The following KDSR variants were observed in gnomAD, a reference collection of about 807,000 sequenced individuals.
The protein encoded by KDSR is 3-ketodihydrosphingosine reductase, also known as 3-dehydrosphinganine reductase.
In KDSR, 23 loss-of-function variants were observed where a neutral mutation model predicts 41.3. The observed-to-expected ratio is 0.56, with a 90% CI of 0.40 to 0.79. The LOEUF (loss-of-function observed/expected upper bound fraction) is 0.79. Ranked by LOEUF, KDSR falls within the 30% of genes least tolerant of loss-of-function variation. The pLI, the probability that KDSR is intolerant of heterozygous loss-of-function variation, is 0.00. For missense variants in KDSR, 351 were observed against 416.8 expected, an observed-to-expected ratio of 0.84 and a Z score of 1.37; for synonymous variants, 138 against 151.7, an observed-to-expected ratio of 0.91 and a Z score of 0.66.
At chr18:63,343,030 C>A (rs1914391229) in intron 7 of KDSR, among the ~76,000 whole-genome samples, 1 of 152,168 alleles carries the variant, frequency 6.6e-6, no homozygotes, top group South Asian at 2.1e-4. Context: ...TACCTGCTTT[C>A]CCTTTACCTA....
In KDSR at chr18:63,355,495, T is replaced by TA; in HGVS notation, c.321+2dup. The TA allele has an allele frequency of 6.2e-7, 1 of 1,613,060 alleles. No homozygotes were observed. The highest frequency in any genetic ancestry group is 8.5e-7 in the Non-Finnish European group (1 of 1,179,776). On this transcript the variant is annotated splice_region_variant and intron_variant, in intron 4 of 9. Transcript: ENST00000645214. Reference sequence around the variant, plus strand: ...GTGAATTCCAATTAGCCCAACCTCTTACTTGTTTTATGACATTCTCTACTT... The same window carrying TA: ...GTGAATTCCAATTAGCCCAACCTCTTAACTTGTTTTATGACATTCTCTACTT...
chr18:63,342,915 C>T (rs1475602587), intron 7 of KDSR, among the ~76,000 whole-genome samples: 1 of 152,140 alleles, frequency 6.6e-6, no homozygotes, highest in African/African-American at 2.4e-5. Context: ...GGATTTCCCT[C>T]TTGCTATTCT....
At chr18:63,360,489 AAACCTG>A (rs1914927772) in intron 2 of KDSR, among the ~76,000 whole-genome samples, 1 of 152,246 alleles carries the variant, frequency 6.6e-6, no homozygotes. Context: ...CAGAGTTTCT[AAACCTG>A]AATATGTCTA....
intron 1 of KDSR, among the ~76,000 whole-genome samples, chr18:63,364,002 C>T (rs930023239): frequency 2.0e-5 from 3 of 152,148 alleles, no homozygotes; most frequent in Admixed American, 6.5e-5. Context: ...TTCAACCTGC[C>T]ACCACTGAAG....
chr18:63,358,166 A>AAAAT (rs989104337), intron 3 of KDSR, among the ~76,000 whole-genome samples: 2 of 152,126 alleles, frequency 1.3e-5, no homozygotes, highest in Non-Finnish European at 2.9e-5. Flanking sequence ...CTCCATCTCA[A>AAAAT]AAATAAATAA....
chr18:63,361,237 AG>A (rs370637374), intron 2 of KDSR, among the ~76,000 whole-genome samples: 12,093 of 105,640 alleles, frequency 0.11, 2,745 homozygotes, highest in South Asian at 0.19. Context: ...AAAAAAAAAA[AG>A]AATGAATTAC....
chr18:63,338,391 G>A (rs1217569437), intron 8 of KDSR, among the ~76,000 whole-genome samples: 2 of 152,248 alleles, frequency 1.3e-5, no homozygotes, highest in African/African-American at 2.4e-5. Context: ...AGGAGGACAG[G>A]CCCACGGGGC....
intron 5 of KDSR, among the ~76,000 whole-genome samples, chr18:63,352,232 A>G (rs558780558): frequency 1.6e-4 from 25 of 152,222 alleles, no homozygotes; most frequent in African/African-American, 6.0e-4. Flanking sequence ...ATCAATCATA[A>G]TTTTTTTTCA....
chr18:63,361,018 A>AT (rs1568283919), intron 2 of KDSR, among the ~76,000 whole-genome samples: 1 of 18,076 alleles, frequency 5.5e-5, no homozygotes, highest in Non-Finnish European at 1.5e-4. Flanking sequence ...ATATATATAA[A>AT]ATATATAATA....
At chr18:63,361,017 A>AAATATATATATAAAATATATATAT (rs1555715421) in intron 2 of KDSR, among the ~76,000 whole-genome samples, 1 of 106,900 alleles carries the variant, frequency 9.4e-6, no homozygotes, top group African/African-American at 4.2e-5. Context: ...TATATATATA[A>AAATATATATATAAAATATATATAT]AATATATAAT....
In KDSR at chr18:63,330,504, T is replaced by C. The variant is rs1049012439; in HGVS notation, c.*1278A>G. ...AAACAACATTCAGGGGCCAAGAGGGTTTCCAGGGCTACAGAGTTAGATGAG... is the reference window on the plus strand; with the variant it reads ...AAACAACATTCAGGGGCCAAGAGGGCTTCCAGGGCTACAGAGTTAGATGAG... On this transcript the variant is annotated 3_prime_UTR_variant, in exon 10 of 10. Transcript: ENST00000645214. The C allele has an allele frequency of 9.5e-5, 22 of 231,574 alleles. No homozygotes were observed. Among genetic ancestry groups the C allele is most frequent in the African/African-American group, 4.6e-4 (21 of 45,190 alleles). 14.3% of individuals were successfully genotyped at this position (231,574 alleles called of 1,614,324 possible).
At chr18:63,355,153 G>C in intron 5 of KDSR, 51 bp downstream of exon 5, 1 of 1,184,984 alleles carries the variant, frequency 8.4e-7, no homozygotes, top group Non-Finnish European at 1.3e-6. Context: ...CCCGTAGCTT[G>C]CTCTGCTTTT....
chr18:63,359,570 G>A (rs1051644917), intron 3 of KDSR, 166 bp downstream of exon 3: 4 of 556,730 alleles, frequency 7.2e-6, no homozygotes, highest in African/African-American at 3.7e-5. Context: ...TTCATTTTGC[G>A]TGTGTGTGAT....
intron 7 of KDSR, among the ~76,000 whole-genome samples, chr18:63,340,219 G>C (rs761795725): frequency 7.9e-5 from 12 of 152,168 alleles, no homozygotes; most frequent in Non-Finnish European, 1.6e-4. Context: ...GTCAGCTCTG[G>C]CTTCAAACTA....
intron 7 of KDSR, 86 bp downstream of exon 7, chr18:63,344,324 A>C (rs535903939): frequency 1.1e-6 from 1 of 890,172 alleles, no homozygotes; most frequent in African/African-American, 1.7e-5. Flanking sequence ...TTGATTGGTG[A>C]AAACGAGTGT....
chr18:63,358,262 A>G (rs1387771622), intron 3 of KDSR, among the ~76,000 whole-genome samples: 3 of 152,168 alleles, frequency 2.0e-5, no homozygotes, highest in Non-Finnish European at 4.4e-5. Context: ...ACAAATCTAT[A>G]GAGAAAGAAA....
rs145761683 is a variant in KDSR at position 63,357,046 on chromosome 18, T to C, written c.256-1483A>G. On this transcript the variant is annotated intron_variant, in intron 3 of 9. Transcript: ENST00000645214. ...AATAAGCTCTGGTGTACTTCAATCC[T>C]AGGCTGCAGCAATTTAAGGCAAATT... 2.3e-4 allele frequency among the ~76,000 whole-genome samples: 35 copies of C among 152,302 alleles called. No homozygotes were observed. In the East Asian group the frequency reaches 6.2e-3, roughly 27 times the overall value.
At chr18:63,365,801 CCTTT>C (rs917326467) in intron 1 of KDSR, among the ~76,000 whole-genome samples, 2 of 151,540 alleles carry the variant, frequency 1.3e-5, no homozygotes, top group African/African-American at 2.4e-5. Flanking sequence ...TCAAGTTTTG[CCTTT>C]CTCTTATTTA....
chr18:63,362,198 C>T (rs909765356), intron 2 of KDSR, among the ~76,000 whole-genome samples: 1 of 152,280 alleles, frequency 6.6e-6, no homozygotes, highest in Non-Finnish European at 1.5e-5. Flanking sequence ...CACAGTGTCA[C>T]TGCTTTGTGC....
Sources: allele counts gnomAD v4.1 joint callset (sites outside exome capture counted in the v4.1 genomes callset), GRCh38; gene constraint gnomAD v4.1.1; transcripts MANE v1.5; gene names NCBI Gene and HGNC (gene_info 2026-07-23, HGNC 2026-07-21).